CCDC141: variants seen among roughly 807,000 people sequenced by gnomAD.
The protein encoded by CCDC141 is coiled-coil domain containing 141.
A neutral mutation model predicts 181.0 loss-of-function variants in CCDC141; 168 were observed. That is an observed-to-expected ratio of 0.93 (90% CI 0.82 to 1.05). CCDC141 has a LOEUF of 1.05. CCDC141 is among the 50% of genes least tolerant of loss of function. The pLI, the probability that CCDC141 is intolerant of heterozygous loss-of-function variation, is 0.00. For synonymous variants in CCDC141, 666 were observed against 642.3 expected (o/e 1.04, Z -0.56); for missense variants, 1,902 against 1,788.5 (o/e 1.06, Z -1.14).
Position 179,040,406 on chromosome 2 carries a change from G to T in CCDC141, c.225+6878C>A, listed in dbSNP as rs182752304. 3.2e-3 allele frequency among the ~76,000 whole-genome samples: 485 copies of T among 152,320 alleles called. 4 individuals are homozygous for T. The highest frequency in any genetic ancestry group is 0.011 in the African/African-American group (462 of 41,562). On this transcript the variant is annotated intron_variant, in intron 2 of 23. Transcript: ENST00000443758. The stretch of plus-strand genomic sequence containing the variant: ...TTTAATTTTAAGTTTAGGGCTAAAT[G>T]TGCAGGATGGGCAGGTTTGTTACAT...
intron 6 of CCDC141, among the ~76,000 whole-genome samples, chr2:178,938,700 G>A (rs890940129): frequency 7.9e-5 from 12 of 151,986 alleles, no homozygotes; most frequent in Non-Finnish European, 2.9e-5. Flanking sequence ...GAGTTTTGAA[G>A]TCTCCCACTA....
chr2:178,937,914 C>T (rs372905933), intron 6 of CCDC141, among the ~76,000 whole-genome samples: 1 of 151,974 alleles, frequency 6.6e-6, no homozygotes, highest in Non-Finnish European at 1.5e-5. Flanking sequence ...ACATTCCCTT[C>T]ATTATTTCTA....
rs533720666 is a variant in CCDC141, at chr2:178,888,524, T to C, written c.1407+3A>G. On this transcript the variant is annotated splice_donor_region_variant and intron_variant, in intron 9 of 23. Transcript: ENST00000443758. ...ATATTTAAGTTTTAGTTTACGAAAC[T>C]ACCTTCCGTAGGTAACCCTCCACTG... 2 of 1,550,014 alleles carry C rather than the reference T, an allele frequency of 1.3e-6. No individual in the cohort carries two copies. Among genetic ancestry groups the C allele is most frequent in the South Asian group, 1.2e-5 (1 of 84,046 alleles).
In CCDC141 at chr2:178,887,123, A is replaced by G. The variant is rs138128622; in HGVS notation, c.1408-252T>C. On this transcript the variant is annotated intron_variant, in intron 9 of 23. Transcript: ENST00000443758. ...AAAGATATTTCTTTTATTAACAGCT[A>G]TTAGATATAAGCAATCATCCACATC... is the stretch of plus-strand genomic sequence containing the variant. Among the ~76,000 whole-genome samples, 374 of 152,328 alleles carry G rather than the reference A, an allele frequency of 2.5e-3. 7 individuals are homozygous for G. Among genetic ancestry groups the G allele is most frequent in the South Asian group, 4.4e-3 (21 of 4,826 alleles).
intron 2 of CCDC141, among the ~76,000 whole-genome samples, chr2:178,986,830 A>G (rs1453802994): frequency 2.0e-5 from 3 of 151,446 alleles, no homozygotes; most frequent in East Asian, 3.9e-4. Context: ...ATACAAACAA[A>G]TGGAAGAACA....
chr2:179,003,267 T>C (rs1033444587), intron 2 of CCDC141, among the ~76,000 whole-genome samples: 4 of 152,154 alleles, frequency 2.6e-5, no homozygotes, highest in Non-Finnish European at 4.4e-5. Context: ...GTGGTGGAGA[T>C]GAATTTGCCT....
chr2:178,893,504 C>G (rs1022271253), intron 8 of CCDC141, among the ~76,000 whole-genome samples: 2 of 152,058 alleles, frequency 1.3e-5, no homozygotes, highest in Non-Finnish European at 2.9e-5. Flanking sequence ...TGGGAGGGAT[C>G]AGCTGACCAT....
chr2:178,911,418 G>A (rs1688213590), intron 7 of CCDC141, among the ~76,000 whole-genome samples: 1 of 152,164 alleles, frequency 6.6e-6, no homozygotes, highest in Non-Finnish European at 1.5e-5. Flanking sequence ...GCTAATAAAT[G>A]TCCAAGATCA....
At chr2:178,978,783 A>T in intron 2 of CCDC141, 108 bp from the exon 3 acceptor site, 1 of 824,674 alleles carries the variant, frequency 1.2e-6, no homozygotes, top group Non-Finnish European at 1.8e-6. Flanking sequence ...TCTAGGAAAC[A>T]GAATTTATAA....
chr2:178,917,775 A>G (rs1260921249), intron 7 of CCDC141, among the ~76,000 whole-genome samples: 2 of 152,200 alleles, frequency 1.3e-5, no homozygotes, highest in African/African-American at 2.4e-5. Flanking sequence ...TCAATGTCCA[A>G]TGAATCAGAG....
At chr2:178,967,613 C>A (rs1690698392) in intron 4 of CCDC141, among the ~76,000 whole-genome samples, 2 of 152,162 alleles carry the variant, frequency 1.3e-5, no homozygotes, top group Non-Finnish European at 2.9e-5. Context: ...AAAGGAACAA[C>A]TTGTACCAGC....
At chr2:178,986,423 C>CT (rs1691742494) in intron 2 of CCDC141, among the ~76,000 whole-genome samples, 1 of 152,204 alleles carries the variant, frequency 6.6e-6, no homozygotes, top group African/African-American at 2.4e-5. Flanking sequence ...GGGATGCCCT[C>CT]TGTCACCACT....
chr2:178,929,084 C>T (rs1368932501), intron 6 of CCDC141, among the ~76,000 whole-genome samples: 2 of 152,154 alleles, frequency 1.3e-5, no homozygotes, highest in Admixed American at 6.6e-5. Flanking sequence ...ATGCAGGTGT[C>T]TTACTCTTTG....
chr2:178,939,954 AC>A (rs1268324250), intron 6 of CCDC141, among the ~76,000 whole-genome samples: 5 of 152,218 alleles, frequency 3.3e-5, no homozygotes, highest in African/African-American at 1.2e-4. Context: ...ACATCTGTTG[AC>A]CACAAGCAAC....
intron 5 of CCDC141, among the ~76,000 whole-genome samples, chr2:178,950,817 T>C (rs1427673776): frequency 1.3e-5 from 2 of 152,244 alleles, no homozygotes; most frequent in South Asian, 4.1e-4. Context: ...CTTGTTACTT[T>C]ATGAACAGCT....
chr2:178,859,534 A>C (rs1685514990), intron 17 of CCDC141, among the ~76,000 whole-genome samples: 1 of 152,082 alleles, frequency 6.6e-6, no homozygotes, highest in East Asian at 1.9e-4. Flanking sequence ...GGTGAGAAAA[A>C]GTTTACCCTG....
chr2:179,045,185 C>T lies in CCDC141; in HGVS notation c.225+2099G>A, dbSNP rs577122186. ...CCTCCCCTCGACCCCACAACAGTCC[C>T]CAGAGTGTGATGTTCCCCTTCCTGT... On this transcript the variant is annotated intron_variant, in intron 2 of 23. Transcript: ENST00000443758. 6.9e-5 allele frequency among the ~76,000 whole-genome samples: 10 copies of T among 145,540 alleles called. No homozygotes were observed. In the South Asian group the frequency reaches 2.3e-3, roughly 34 times the overall value.
chr2:178,817,710 A>G, the CCDC141 span: 42 of 360,722 alleles, frequency 1.2e-4, 2 homozygotes, highest in South Asian at 9.2e-4. Context: ...TGAAGTTGCT[A>G]AGATACACAT....
Position 178,878,101 on chromosome 2 carries a change from C to T in CCDC141, c.1762G>A (p.Glu588Lys), listed in dbSNP as rs772733146. ...TCATCCTGCTCCTTCTGAGGGATTTCGGTTTCATAAAATTCTTTTAAGCTC... is the reference window on the plus strand; with the variant it reads ...TCATCCTGCTCCTTCTGAGGGATTTTGGTTTCATAAAATTCTTTTAAGCTC... ...FQSLKEFYET[E>K]IPQKEQDDAK... Residue 588 changes from glutamate (E) to lysine (K), a missense_variant, in exon 12 of 24, where the codon GAA (glutamate) becomes AAA (lysine). By Grantham distance (56) the Glu-to-Lys change is moderately conservative. Coordinates refer to ENST00000443758, the MANE Select transcript of CCDC141 (RefSeq NM_173648.4). The T allele has an allele frequency of 3.4e-5, 54 of 1,607,594 alleles. No individual in the cohort carries two copies. The highest frequency in any genetic ancestry group is 4.0e-5 in the Non-Finnish European group (47 of 1,178,558).
Sources: allele counts gnomAD v4.1 joint callset (sites outside exome capture counted in the v4.1 genomes callset), GRCh38; gene constraint gnomAD v4.1.1; transcripts MANE v1.5; gene names NCBI Gene and HGNC (gene_info 2026-07-23, HGNC 2026-07-21).